The following INSRR variants were observed in gnomAD, a reference collection of about 807,000 sequenced individuals.
INSRR encodes the protein insulin receptor-related protein.
INSRR carries 114 observed loss-of-function variants against 130.0 expected under a neutral mutation model. That is an observed-to-expected ratio of 0.88 (90% CI 0.75 to 1.02). The LOEUF is 1.02. INSRR is among the 50% of genes least tolerant of loss of function. The pLI is 0.00. For missense variants in INSRR, 1,657 were observed against 1,735.2 expected, an observed-to-expected ratio of 0.95 and a Z score of 0.80; for synonymous variants, 674 against 705.2, an observed-to-expected ratio of 0.96 and a Z score of 0.70.
In INSRR at chr1:156,849,568, G is replaced by A. The variant is rs1367802310; in HGVS notation, c.1230-108C>T. 6.4e-6 allele frequency: 5 copies of A among 781,468 alleles called. No individual in the cohort carries two copies. In the East Asian group the frequency reaches 8.0e-5, roughly 13 times the overall value. 48.4% of individuals were successfully genotyped at this position (781,468 alleles called of 1,614,324 possible). A position where few individuals can be genotyped will look rare whatever the true frequency, so the allele number is the denominator to read the frequency against. On this transcript the variant is annotated intron_variant, in intron 5 of 21. Transcript: ENST00000368195. ...AAGGGTTTTGCTGGGCCCGGGGAGA[G>A]GGGCACTCAGTGGCTGGCTCACACC...
rs756672249 is a variant in INSRR at position 156,843,024 on chromosome 1, C to T, written c.3106G>A (p.Ala1036Thr). The change falls in exon 17 of 22, where the codon GCC becomes ACC. Residue 1036 changes from alanine to threonine, a missense_variant. By Grantham distance (58) the Ala-to-Thr change is moderately conservative. Coordinates refer to ENST00000368195, the MANE Select transcript of INSRR (RefSeq NM_014215.3). ...EFLKEASVMK[A>T]FKCHHVVRLL... ...CTTACCACATGGTGACACTTGAAGG[C>T]TTTCATGACAGAAGCTTCCTTGAGG... 56 of 1,613,784 alleles carry T rather than the reference C, an allele frequency of 3.5e-5. No homozygotes were observed. The South Asian group carries it at 6.0e-4, about 17-fold the overall frequency.
chr1:156,842,353 G>C lies in INSRR; in HGVS notation c.3237+45C>G, dbSNP rs13376034. The C allele has an allele frequency of 2.7e-3, 4,379 of 1,612,550 alleles. 109 individuals carry two copies. The African/African-American group carries it at 0.05, about 19-fold the overall frequency. On this transcript the variant is annotated intron_variant, in intron 18 of 21. Coordinates refer to ENST00000368195, the MANE Select transcript of INSRR (RefSeq NM_014215.3). ...AGAACTGGCCCCCACCTCCCACACT[G>C]TGCCCAACCCTTCTTTCACTCCCCA...
rs965635838 is a variant in INSRR, at chr1:156,844,240, G to T, written c.2778C>A (p.Ala926=). ...DAGGLHVLLT[A]TPVGLTLLIV... ...TGAGCAGCGTGAGCCCCACAGGGGT[G>T]GCAGTGAGGAGGACATGCAGCCCCC... Residue 926 remains alanine (A), a synonymous_variant, in exon 15 of 22, where the codon GCC becomes GCA. Transcript: ENST00000368195. 5.6e-6 allele frequency: 9 copies of T among 1,613,766 alleles called. No individual in the cohort carries two copies. In the Admixed American group the frequency reaches 1.2e-4, roughly 21 times the overall value.
intron 17 of INSRR, 25 bp downstream of exon 17, chr1:156,842,979 G>A (rs781708687): frequency 1.3e-6 from 2 of 1,563,222 alleles, no homozygotes; most frequent in African/African-American, 2.7e-5. Context: ...TTATGACCCT[G>A]ACAATGCCCT....
Position 156,845,411 on chromosome 1 carries a change from G to T in INSRR, c.2177C>A (p.Ser726Tyr), listed in dbSNP as rs377065124. The T allele has an allele frequency of 5.8e-6, 9 of 1,553,836 alleles. No individual in the cohort carries two copies. Among genetic ancestry groups the T allele is most frequent in the Non-Finnish European group, 7.0e-6 (8 of 1,148,790 alleles). The change falls in exon 11 of 22, where the codon TCC (serine) becomes TAC (tyrosine). Residue 726 changes from serine to tyrosine, a missense_variant and splice_region_variant. Transcript: ENST00000368195. ...FLHNAITIPI[S>Y]PWKVTSINKS... is the part of the protein sequence containing the mutation. ...GTTGATGGACGTCACCTTCCAAGGG[G>T]ATCTGGGGAGGCCAGGAGTAGCCCT...
Position 156,854,143 on chromosome 1 carries a change from G to A in INSRR, c.246C>T (p.Tyr82=), listed in dbSNP as rs759760516. 6.2e-7 allele frequency: 1 copy of A among 1,614,174 alleles called. No individual in the cohort carries two copies. The highest frequency in any genetic ancestry group is 1.1e-5 in the South Asian group (1 of 91,092). ...SFPRLTQVTD[Y]LLLFRVYGLE... ...GTCCGTAGACACGGAAGAGCAGCAG[G>A]TAGTCGGTGACCTGGGTGAGGCGAG... Residue 82 remains tyrosine (Y), a synonymous_variant, in exon 2 of 22, where the codon TAC becomes TAT. Transcript: ENST00000368195. The surrounding 1 kb of genome is among the most constrained non-coding windows in gnomAD (Gnocchi z 4.2).
In INSRR at chr1:156,845,814, C is replaced by T; in HGVS notation, c.1979G>A (p.Gly660Asp). ...DLYLNDYCHR[G>D]LRLPTSNNDP... is the part of the protein sequence containing the mutation. Reference sequence around the variant, plus strand: ...GTTGTTGCTGGTGGGCAGCCGCAAGCCTGGCGCCGCAGCGGGAAGACACTA... The same window carrying T: ...GTTGTTGCTGGTGGGCAGCCGCAAGTCTGGCGCCGCAGCGGGAAGACACTA... Residue 660 changes from glycine to aspartate, a missense_variant and splice_region_variant, in exon 10 of 22, where the codon GGC becomes GAC. Physicochemically the swap from Gly to Asp is moderately conservative, Grantham distance 94. Coordinates refer to ENST00000368195, the MANE Select transcript of INSRR (RefSeq NM_014215.3). The T allele has an allele frequency of 1.9e-6, 3 of 1,612,054 alleles. No individual in the cohort carries two copies. The highest frequency in any genetic ancestry group is 2.5e-6 in the Non-Finnish European group (3 of 1,179,690).
At position 156,849,059 on chromosome 1, in the gene INSRR, G is replaced by A. The variant is rs1459665035; in HGVS notation, c.1445-12C>T. 3 of 1,610,986 alleles carry A rather than the reference G, an allele frequency of 1.9e-6. No homozygotes were observed. The highest frequency in any genetic ancestry group is 2.5e-6 in the Non-Finnish European group (3 of 1,179,002). ...GGTGCGAGTCTGGCCTGGGTGGGGC[G>A]AGGGGCCTGCTCGCAACCGCGCCTG... On this transcript the variant is annotated splice_polypyrimidine_tract_variant and intron_variant, in intron 6 of 21. Transcript: ENST00000368195.
chr1:156,848,787 G>T, intron 7 of INSRR, 134 bp downstream of exon 7: 2 of 1,046,186 alleles, frequency 1.9e-6, no homozygotes, highest in Non-Finnish European at 2.7e-6. Flanking sequence ...GCCCTACCAC[G>T]GAGTACAACT....
rs376760566 is a variant in INSRR, at chr1:156,857,939, C to T, written c.85+598G>A. Among the ~76,000 whole-genome samples, 12 of 152,160 alleles carry T rather than the reference C, an allele frequency of 7.9e-5. No individual in the cohort carries two copies. The East Asian group carries it at 1.5e-3, about 20-fold the overall frequency. ...GTCCCCCCACCCCTCCTCTCTAAAACGTACTGATGGGCAGTATCTAGCCTG... is the reference window on the plus strand; with the variant it reads ...GTCCCCCCACCCCTCCTCTCTAAAATGTACTGATGGGCAGTATCTAGCCTG... On this transcript the variant is annotated intron_variant, in intron 1 of 21. Transcript: ENST00000368195.
intron 2 of INSRR, among the ~76,000 whole-genome samples, 153 bp from the exon 3 acceptor site, chr1:156,852,344 C>T: frequency 6.6e-6 from 1 of 152,382 alleles, no homozygotes; most frequent in East Asian, 1.9e-4. Flanking sequence ...ACTCTGTTCC[C>T]CTCCGATGGG....
In INSRR at chr1:156,854,379, G is replaced by C. The variant is rs191669600; in HGVS notation, c.86-76C>G. On this transcript the variant is annotated intron_variant, in intron 1 of 21. Transcript: ENST00000368195. This position sits in a 1 kb window ranked among gnomAD's most constrained non-coding sequence, Gnocchi z 4.2. ...CCATCCAGCCCTGGCAGCTTTGGAGGGGAGCCACACTGGCAGTAGGACAAT... is the reference window on the plus strand; with the variant it reads ...CCATCCAGCCCTGGCAGCTTTGGAGCGGAGCCACACTGGCAGTAGGACAAT... 2.3e-4 allele frequency: 317 copies of C among 1,408,420 alleles called. 2 individuals are homozygous for C. In the Middle Eastern group the frequency reaches 2.5e-3, roughly 11 times the overall value. The allele number at this position is 1,408,420 out of a possible 1,614,324, so 87.2% of individuals were successfully genotyped here.
At position 156,844,820 on chromosome 1, in the gene INSRR, T is replaced by C; in HGVS notation, c.2461A>G (p.Lys821Glu). The C allele has an allele frequency of 1.9e-6, 3 of 1,614,076 alleles. No individual in the cohort carries two copies. The highest frequency in any genetic ancestry group is 2.5e-6 in the Non-Finnish European group (3 of 1,180,010). The change falls in exon 13 of 22, where the codon AAG (lysine) becomes GAG (glutamate). Residue 821 changes from lysine to glutamate, a missense_variant. Physicochemically the swap from Lys to Glu is moderately conservative, Grantham distance 56. Coordinates refer to ENST00000368195, the MANE Select transcript of INSRR (RefSeq NM_014215.3). The part of the protein sequence containing the change: ...PHREADGIPG[K>E]VAWEASSKNS... ...TTGCTGGAGGCCTCCCAGGCCACCT[T>C]TCCTGGAATACCATCAGCCTCTCCT...
Position 156,841,517 on chromosome 1 carries a change from A to T in INSRR, c.3539T>A (p.Val1180Glu), listed in dbSNP as rs1227090134. 2 of 1,613,882 alleles carry T rather than the reference A, an allele frequency of 1.2e-6. No individual in the cohort carries two copies. Among genetic ancestry groups the T allele is most frequent in the South Asian group, 2.2e-5 (2 of 91,052 alleles). The change falls in exon 21 of 22, where the codon GTG becomes GAG. Residue 1180 changes from valine to glutamate, a missense_variant. Physicochemically the swap from Val to Glu is moderately radical, Grantham distance 121 (BLOSUM62 -2). Transcript: ENST00000368195. ...TTHSDVWSFG[V>E]VLWEIVTLAE... is the part of the protein sequence containing the mutation. ...CAGGGTCACAATCTCCCAGAGTACC[A>T]CGCCAAAGGACCTGGGGGCATGCAG...
chr1:156,853,966 C>A lies in INSRR; in HGVS notation c.423G>T (p.Val141=). ...LGAVLRGAVR[V]EKNQELCHLS... ...GGTGGCAGAGCTCCTGGTTCTTCTC[C>A]ACACGCACAGCCCCACGCAGCACGG... Residue 141 remains valine, a synonymous_variant, in exon 2 of 22, where the codon GTG becomes GTT. Transcript: ENST00000368195. The A allele has an allele frequency of 2.5e-6, 4 of 1,613,122 alleles. No individual in the cohort carries two copies. The highest frequency in any genetic ancestry group is 3.4e-6 in the Non-Finnish European group (4 of 1,179,266).
chr1:156,844,674 C>A (rs745388523), intron 13 of INSRR, 33 bp downstream of exon 13: 1 of 1,613,780 alleles, frequency 6.2e-7, no homozygotes, highest in African/African-American at 1.3e-5. Flanking sequence ...AGGCACAAAA[C>A]GGGGCTGGGA....
chr1:156,850,088 G>C (rs770811860), intron 5 of INSRR, among the ~76,000 whole-genome samples: 9 of 152,082 alleles, frequency 5.9e-5, no homozygotes, highest in Admixed American at 2.6e-4. Flanking sequence ...TTTTTATAGA[G>C]ACAGAGTTTC....
In INSRR at chr1:156,851,328, C is replaced by G; in HGVS notation, c.1191G>C (p.Lys397Asn). 1 of 1,614,190 alleles carries G rather than the reference C, an allele frequency of 6.2e-7. No homozygotes were observed. Among genetic ancestry groups the G allele is most frequent in the Non-Finnish European group, 8.5e-7 (1 of 1,180,034 alleles). Reference sequence around the variant, plus strand: ...CGTCTCCCCGGATTAGTTTGAGGTTCTTGAAAAAGCCCAGGGACACGAGGG... The same window carrying G: ...CGTCTCCCCGGATTAGTTTGAGGTTGTTGAAAAAGCCCAGGGACACGAGGG... ...SFALVSLGFF[K>N]NLKLIRGDAM... The change falls in exon 5 of 22, where the codon AAG becomes AAC. Residue 397 changes from lysine (K) to asparagine (N), a missense_variant. Coordinates refer to ENST00000368195, the MANE Select transcript of INSRR (RefSeq NM_014215.3).
chr1:156,848,897 T>C, intron 7 of INSRR, 24 bp downstream of exon 7: 1 of 1,541,732 alleles, frequency 6.5e-7, no homozygotes, highest in Non-Finnish European at 8.8e-7. Context: ...CCGCCCCCGC[T>C]CCGGCCCCGC....
Sources: gnomAD v4.1 joint callset for allele counts (sites outside exome capture counted in the v4.1 genomes callset) on GRCh38, gnomAD v4.1.1 for gene constraint, Gnocchi (gnomAD v3.1) non-coding constraint, MANE v1.5 for transcripts, NCBI Gene and HGNC (gene_info 2026-07-23, HGNC 2026-07-21) for gene names.